NFKBIB: variants seen among roughly 807,000 people sequenced by gnomAD.
The protein encoded by NFKBIB is NF-kappa-B inhibitor beta.
In NFKBIB, 16 loss-of-function variants were observed where a neutral mutation model predicts 32.1. That is an observed-to-expected ratio of 0.50 (90% CI 0.34 to 0.76). The LOEUF (loss-of-function observed/expected upper bound fraction) is 0.76, where lower values mean the gene tolerates loss of function less well. NFKBIB is among the 30% of genes least tolerant of loss of function. The pLI is 0.01. For synonymous variants in NFKBIB, 222 were observed against 219.5 expected (o/e 1.01, Z -0.10); for missense variants, 437 against 514.9 (o/e 0.85, Z 1.46).
chr19:38,905,629 T>A lies in NFKBIB; in HGVS notation c.619+94T>A. ...TTCCCTGATTTGAGACTGAGCTCCTTGGGAAATCATGCCTAGGCTTCAGGA... is the reference window on the plus strand; with the variant it reads ...TTCCCTGATTTGAGACTGAGCTCCTAGGGAAATCATGCCTAGGCTTCAGGA... On this transcript the variant is annotated intron_variant, in intron 3 of 5. Coordinates refer to ENST00000313582, the MANE Select transcript of NFKBIB (RefSeq NM_002503.5). The surrounding 1 kb of genome is among the most constrained non-coding windows in gnomAD (Gnocchi z 5.5). 1 of 983,250 alleles carries A rather than the reference T, an allele frequency of 1.0e-6. No individual in the cohort carries two copies. The highest frequency in any genetic ancestry group is 1.5e-6 in the Non-Finnish European group (1 of 665,268). 60.9% of individuals were successfully genotyped at this position (983,250 alleles called of 1,614,324 possible).
In NFKBIB at chr19:38,905,081, C is replaced by G. The variant is rs142337920; in HGVS notation, c.246C>G (p.Ala82=). The part of the protein sequence containing the change: ...PFLDFLLGFS[A]GTEYMDLQND... Reference sequence around the variant, plus strand: ...TGGATTTTCTTCTAGGCTTCTCGGCCGGCACTGAGTACATGGACCTGCAGA... The same window carrying G: ...TGGATTTTCTTCTAGGCTTCTCGGCGGGCACTGAGTACATGGACCTGCAGA... Residue 82 remains alanine (A), a synonymous_variant, in exon 2 of 6, where the codon GCC becomes GCG. Transcript: ENST00000313582. This position sits in a 1 kb window ranked among gnomAD's most constrained non-coding sequence, Gnocchi z 5.5. 8 of 1,614,054 alleles carry G rather than the reference C, an allele frequency of 5.0e-6. No homozygotes were observed. The Admixed American group carries it at 6.7e-5, about 13-fold the overall frequency.
chr19:38,905,846 C>T lies in NFKBIB; in HGVS notation c.619+311C>T, dbSNP rs1398572075. On this transcript the variant is annotated intron_variant, in intron 3 of 5. Coordinates refer to ENST00000313582, the MANE Select transcript of NFKBIB (RefSeq NM_002503.5). The surrounding 1 kb of genome is among the most constrained non-coding windows in gnomAD (Gnocchi z 5.5). ...CACCTGCAGAGTGTATTGCAGACCC[C>T]TACCCTACCCAGGACCGGGGAATGC... Among the ~76,000 whole-genome samples, 1 of 152,176 alleles carries T rather than the reference C, an allele frequency of 6.6e-6. No homozygotes were observed. Among genetic ancestry groups the T allele is most frequent in the African/African-American group, 2.4e-5 (1 of 41,432 alleles).
At position 38,905,050 on chromosome 19, in the gene NFKBIB, C is replaced by T. The variant is rs150423716; in HGVS notation, c.215C>T (p.Pro72Leu). 2.4e-5 allele frequency: 38 copies of T among 1,614,014 alleles called. No homozygotes were observed. The highest frequency in any genetic ancestry group is 3.1e-5 in the Non-Finnish European group (37 of 1,180,028). ...TTGGCTGTGATTCATCAGCATGAAC[C>T]CTTCCTGGATTTTCTTCTAGGCTTC... ...LHLAVIHQHEPFLDFLLGFSA... is the reference protein window; with the variant it reads ...LHLAVIHQHELFLDFLLGFSA... The change falls in exon 2 of 6, where the codon CCC (proline) becomes CTC (leucine). Residue 72 changes from proline to leucine, a missense_variant. By Grantham distance (98) the Pro-to-Leu change is moderately conservative (BLOSUM62 -3). Transcript: ENST00000313582. The surrounding 1 kb of genome is among the most constrained non-coding windows in gnomAD (Gnocchi z 5.5).
At position 38,900,012 on chromosome 19, in the gene NFKBIB, G is replaced by C. The variant is rs1419972207; in HGVS notation, c.-21G>C. On this transcript the variant is annotated 5_prime_UTR_variant, in exon 1 of 6. Coordinates refer to ENST00000313582, the MANE Select transcript of NFKBIB (RefSeq NM_002503.5). ...AGCTACAGGCGGGCGACTGCGGGGGGCCCCTGAGGCGGCGGGGGCCATGGC... is the reference window on the plus strand; with the variant it reads ...AGCTACAGGCGGGCGACTGCGGGGGCCCCCTGAGGCGGCGGGGGCCATGGC... The C allele has an allele frequency of 2.8e-6, 4 of 1,448,204 alleles. No individual in the cohort carries two copies. Among genetic ancestry groups the C allele is most frequent in the African/African-American group, 1.4e-5 (1 of 70,054 alleles). 89.7% of individuals were successfully genotyped at this position (1,448,204 alleles called of 1,614,324 possible). A position where few individuals can be genotyped will look rare whatever the true frequency, so the allele number is the denominator to read the frequency against.
intron 5 of NFKBIB, chr19:38,908,216 G>A (rs1196012273): frequency 2.0e-6 from 2 of 993,018 alleles, no homozygotes; most frequent in Non-Finnish European, 2.4e-6. Context: ...GTGGCGGCTG[G>A]CTAGAAATTG....
At chr19:38,900,263 C>T in intron 1 of NFKBIB, 52 bp downstream of exon 1, 3 of 1,508,328 alleles carry the variant, frequency 2.0e-6, no homozygotes, top group South Asian at 2.5e-5. Flanking sequence ...GCGTCACATT[C>T]CTCATTAATC....
chr19:38,900,157 C>G lies in NFKBIB; in HGVS notation c.125C>G (p.Pro42Arg), dbSNP rs777376352. The G allele has an allele frequency of 5.0e-6, 8 of 1,600,792 alleles. No individual in the cohort carries two copies. The South Asian group carries it at 7.9e-5, about 16-fold the overall frequency. Reference protein sequence around the residue: ...GGPGLGAELGPGLSWAPLVFG... With the variant: ...GGPGLGAELGRGLSWAPLVFG... Reference sequence around the variant, plus strand: ...CCTGGGTTGGGCGCGGAGTTGGGCCCGGGGCTGTCGTGGGCTCCCCTCGTC... The same window carrying G: ...CCTGGGTTGGGCGCGGAGTTGGGCCGGGGGCTGTCGTGGGCTCCCCTCGTC... Residue 42 changes from proline to arginine, a missense_variant, in exon 1 of 6, where the codon CCG (proline) becomes CGG (arginine). Pro to Arg is a moderately radical substitution (Grantham distance 103). Coordinates refer to ENST00000313582, the MANE Select transcript of NFKBIB (RefSeq NM_002503.5).
chr19:38,907,939 G>T, intron 5 of NFKBIB: 1 of 1,284,016 alleles, frequency 7.8e-7, no homozygotes, highest in Non-Finnish European at 9.9e-7. Context: ...CACAGCGGGG[G>T]TGGGTGGTAG....
Position 38,907,173 on chromosome 19 carries a change from G to C in NFKBIB, c.620-48G>C, listed in dbSNP as rs181514665. 1.0e-5 allele frequency: 15 copies of C among 1,485,532 alleles called. No individual in the cohort carries two copies. The East Asian group carries it at 1.4e-4, about 14-fold the overall frequency. The allele number at this position is 1,485,532 out of a possible 1,614,324, so 92.0% of individuals were successfully genotyped here. ...CCCCAGGATCAAAGCACGGTGGGGT[G>C]GGGGGGGCCCTCACCTCATCATCTG... On this transcript the variant is annotated intron_variant, in intron 3 of 5. Transcript: ENST00000313582.
chr19:38,902,081 A>ATTTTTTTTTTTTTTTTTTTT (rs1220793422), intron 1 of NFKBIB, among the ~76,000 whole-genome samples: 1 of 56,462 alleles, frequency 1.8e-5, no homozygotes, highest in Non-Finnish European at 3.7e-5. Flanking sequence ...TTTTCATTTT[A>ATTTTTTTTTTTTTTTTTTTT]TTTCTTTTTT....
intron 1 of NFKBIB, 108 bp from the exon 2 acceptor site, chr19:38,904,907 A>G: frequency 1.0e-6 from 1 of 992,284 alleles, no homozygotes; most frequent in Non-Finnish European, 1.5e-6. Flanking sequence ...AGGGGGTTCC[A>G]GAACTGTGGT....
Position 38,905,495 on chromosome 19 carries a change from G to C in NFKBIB, c.579G>C (p.Glu193Asp). ...SDLEKEEEES[E>D]EDWKLQLEAE... ...TGGAGAAGGAAGAAGAGGAGAGTGA[G>C]GAGGACTGGAAGCTGCAGCTGGAGG... The change falls in exon 3 of 6, where the codon GAG becomes GAC. Residue 193 changes from glutamate (E) to aspartate (D), a missense_variant. By Grantham distance (45) the Glu-to-Asp change is conservative. Transcript: ENST00000313582. This position sits in a 1 kb window ranked among gnomAD's most constrained non-coding sequence, Gnocchi z 5.5. 1.2e-6 allele frequency: 2 copies of C among 1,613,168 alleles called. No homozygotes were observed. Among genetic ancestry groups the C allele is most frequent in the South Asian group, 2.2e-5 (2 of 90,986 alleles).
At chr19:38,899,948 TCCC>T, upstream of NFKBIB, 1 of 1,373,472 alleles carries the variant, frequency 7.3e-7, no homozygotes, top group East Asian at 2.5e-5. Flanking sequence ...GTGGGGAATT[TCCC>T]GCAGGGCGGA....
chr19:38,908,506 T>G (rs1324483445), intron 5 of NFKBIB: 16 of 1,245,760 alleles, frequency 1.3e-5, no homozygotes, highest in Non-Finnish European at 1.6e-5. Context: ...GCCACTGCAT[T>G]CCAGCCTGGG....
intron 1 of NFKBIB, among the ~76,000 whole-genome samples, chr19:38,902,348 G>C (rs1973997064): frequency 6.6e-6 from 1 of 151,948 alleles, no homozygotes; most frequent in South Asian, 2.1e-4. Context: ...GGGATTACAG[G>C]CGTGAGCCAC....
At chr19:38,904,084 AAAAT>A (rs58249749) in intron 1 of NFKBIB, among the ~76,000 whole-genome samples, 5 of 151,210 alleles carry the variant, frequency 3.3e-5, no homozygotes, top group East Asian at 2.0e-4. Flanking sequence ...AATAAAAATT[AAAAT>A]AAATAAATAA....
Position 38,905,901 on chromosome 19 carries a change from A to T in NFKBIB, c.619+366A>T, listed in dbSNP as rs1234561396. On this transcript the variant is annotated intron_variant, in intron 3 of 5. Transcript: ENST00000313582. This position sits in a 1 kb window ranked among gnomAD's most constrained non-coding sequence, Gnocchi z 5.5. ...CTCAGGCCCTCTGTGAAACTCTGGC[A>T]CCCCAGGCTCCCAGCAATGGGCAGC... Among the ~76,000 whole-genome samples, 1 of 151,936 alleles carries T rather than the reference A, an allele frequency of 6.6e-6. No individual in the cohort carries two copies. The highest frequency in any genetic ancestry group is 1.5e-5 in the Non-Finnish European group (1 of 67,982).
Position 38,905,571 on chromosome 19 carries a change from G to C in NFKBIB, c.619+36G>C, listed in dbSNP as rs370180734. ...TCACCAGGGAAGGACTCAGCTCCTG[G>C]GCTAGGCGAGAGCACCTGGCCCTGG... On this transcript the variant is annotated intron_variant, in intron 3 of 5. Coordinates refer to ENST00000313582, the MANE Select transcript of NFKBIB (RefSeq NM_002503.5). The surrounding 1 kb of genome is among the most constrained non-coding windows in gnomAD (Gnocchi z 5.5). 2.0e-6 allele frequency: 3 copies of C among 1,528,256 alleles called. No individual in the cohort carries two copies. The highest frequency in any genetic ancestry group is 1.4e-5 in the African/African-American group (1 of 72,460). 94.7% of individuals were successfully genotyped at this position (1,528,256 alleles called of 1,614,324 possible). A position where few individuals can be genotyped will look rare whatever the true frequency, so the allele number is the denominator to read the frequency against.
At chr19:38,901,098 G>A (rs1441223002) in intron 1 of NFKBIB, among the ~76,000 whole-genome samples, 2 of 152,228 alleles carry the variant, frequency 1.3e-5, no homozygotes, top group Non-Finnish European at 2.9e-5. Flanking sequence ...CAGTTGCAAA[G>A]GCCCAGATGA....
Sources: allele counts gnomAD v4.1 joint callset (sites outside exome capture counted in the v4.1 genomes callset), GRCh38; gene constraint gnomAD v4.1.1; non-coding constraint Gnocchi (gnomAD v3.1); transcripts MANE v1.5; gene names NCBI Gene and HGNC (gene_info 2026-07-23, HGNC 2026-07-21).